Variants in DMC1 observed in about 807,000 individuals in gnomAD.
DMC1 encodes DNA meiotic recombinase 1, also known as meiotic recombination protein DMC1 homolog.
Under a neutral mutation model 50.1 loss-of-function variants are expected in DMC1, and 27 were observed. That is an observed-to-expected ratio of 0.54 (90% CI 0.40 to 0.74). The LOEUF is 0.74. Among genes scored for constraint, DMC1 ranks in the 30% least tolerant of loss-of-function variants. The probability of loss-of-function intolerance (pLI) is 0.00; values close to 1 mark genes in which losing one functional copy is unlikely to be tolerated. For synonymous variants in DMC1, 148 were observed against 136.1 expected (o/e 1.09, Z -0.61); for missense variants, 295 against 420.2 (o/e 0.70, Z 2.60).
At position 38,540,559 on chromosome 22, in the gene DMC1, T is replaced by C. The variant is rs192203931; in HGVS notation, c.495-1147A>G. Among the ~76,000 whole-genome samples the C allele has an allele frequency of 2.9e-3, 441 of 152,342 alleles. 1 individual carries two copies. Among genetic ancestry groups the C allele is most frequent in the Non-Finnish European group, 5.3e-3 (362 of 68,038 alleles). On this transcript the variant is annotated intron_variant, in intron 8 of 13. Transcript: ENST00000216024. ...TGTTTGTAACCTTATTTCACTTTGTTTATAGTGTTTACATAACACTGATCC... is the reference window on the plus strand; with the variant it reads ...TGTTTGTAACCTTATTTCACTTTGTCTATAGTGTTTACATAACACTGATCC...
the DMC1 span, among the ~76,000 whole-genome samples, chr22:38,510,249 C>T: frequency 1.3e-5 from 2 of 151,124 alleles, no homozygotes; most frequent in Non-Finnish European, 2.9e-5. Context: ...AGGTCAGGAA[C>T]TCGAGATCAG....
chr22:38,514,644 G>C (rs756857579), downstream of DMC1, among the ~76,000 whole-genome samples: 1 of 152,140 alleles, frequency 6.6e-6, no homozygotes, highest in Non-Finnish European at 1.5e-5. Context: ...CAAAACCAAG[G>C]TGGCAATGAA....
intron 12 of DMC1, among the ~76,000 whole-genome samples, chr22:38,529,197 G>T (rs1292834336): frequency 6.6e-6 from 1 of 151,758 alleles, no homozygotes; most frequent in African/African-American, 2.4e-5. Context: ...TTTTAGTAGA[G>T]ACGGGGTTTC....
At chr22:38,521,819 G>A in intron 12 of DMC1, 95 bp from the exon 13 acceptor site, 1 of 895,042 alleles carries the variant, frequency 1.1e-6, no homozygotes, top group Non-Finnish European at 1.9e-6. Flanking sequence ...TGGATGTCAG[G>A]AGTTGGAATA....
At chr22:38,540,084 T>C (rs1322395578) in intron 8 of DMC1, among the ~76,000 whole-genome samples, 1 of 152,220 alleles carries the variant, frequency 6.6e-6, no homozygotes, top group Non-Finnish European at 1.5e-5. Context: ...TTTCAAATCT[T>C]ACCTGGAAAG....
chr22:38,551,910 G>C (rs1454695791), intron 7 of DMC1, among the ~76,000 whole-genome samples: 1 of 143,922 alleles, frequency 6.9e-6, no homozygotes, highest in Admixed American at 7.1e-5. Context: ...GCCCAGGCTG[G>C]AGTGCAGTGG....
chr22:38,518,537 CTT>C (rs879709717), downstream of DMC1, among the ~76,000 whole-genome samples: 1 of 145,584 alleles, frequency 6.9e-6, no homozygotes. Flanking sequence ...CTCTTTCCTT[CTT>C]TTTTTTTTTG....
Position 38,529,727 on chromosome 22 carries a change from T to C in DMC1, c.836+7865A>G, listed in dbSNP as rs180682678. 2.6e-5 allele frequency among the ~76,000 whole-genome samples: 4 copies of C among 152,252 alleles called. No homozygotes were observed. In the East Asian group the frequency reaches 7.7e-4, roughly 29 times the overall value. ...AAATCCTGGCTCACACATTTTTAAATTCTGGAATTGGGCAAACGCTAAGTA... is the reference window on the plus strand; with the variant it reads ...AAATCCTGGCTCACACATTTTTAAACTCTGGAATTGGGCAAACGCTAAGTA... On this transcript the variant is annotated intron_variant, in intron 12 of 13. Coordinates refer to ENST00000216024, the MANE Select transcript of DMC1 (RefSeq NM_007068.4).
chr22:38,545,371 A>G (rs1254737577), intron 8 of DMC1, among the ~76,000 whole-genome samples: 4 of 152,170 alleles, frequency 2.6e-5, no homozygotes, highest in Non-Finnish European at 5.9e-5. Flanking sequence ...TGATCACGTC[A>G]TTGCACTCCA....
intron 6 of DMC1, among the ~76,000 whole-genome samples, chr22:38,555,089 CA>C (rs56405720): frequency 0.05 from 4,357 of 87,644 alleles, 148 homozygotes; most frequent in African/African-American, 0.15. Context: ...GACTCCGTCT[CA>C]AAAAAAAAAA....
the DMC1 span, among the ~76,000 whole-genome samples, chr22:38,510,940 T>TA: frequency 1.3e-4 from 20 of 152,220 alleles, no homozygotes; most frequent in African/African-American, 4.8e-4. Flanking sequence ...TTCTAACTGA[T>TA]ACACTCCTCA....
chr22:38,534,730 G>A (rs2090191631), intron 12 of DMC1, among the ~76,000 whole-genome samples: 1 of 147,246 alleles, frequency 6.8e-6, no homozygotes, highest in African/African-American at 2.5e-5. Flanking sequence ...GACTGAGTGC[G>A]GTGGGTCATG....
intron 12 of DMC1, among the ~76,000 whole-genome samples, chr22:38,530,834 C>T (rs1410643564): frequency 6.6e-6 from 1 of 152,088 alleles, no homozygotes; most frequent in East Asian, 1.9e-4. Flanking sequence ...CTTTGGGAGG[C>T]TGAGGTGGGC....
chr22:38,566,571 A>G lies in DMC1; in HGVS notation c.243+19T>C, dbSNP rs1366926143. 5.6e-6 allele frequency: 9 copies of G among 1,614,008 alleles called. No individual in the cohort carries two copies. The highest frequency in any genetic ancestry group is 7.6e-6 in the Non-Finnish European group (9 of 1,179,960). ...AAGGCCCTGCCAAGCTAAAACAGCA[A>G]AGAATGGATTTTGCTTACAATTAGT... On this transcript the variant is annotated intron_variant, in intron 4 of 13. Coordinates refer to ENST00000216024, the MANE Select transcript of DMC1 (RefSeq NM_007068.4).
chr22:38,521,542 C>A, intron 13 of DMC1, 66 bp downstream of exon 13: 1 of 186,618 alleles, frequency 5.4e-6, no homozygotes, highest in East Asian at 1.5e-4. Flanking sequence ...CGTCTCTACA[C>A]ACACACACAC....
At chr22:38,515,692 G>C (rs2089972318), downstream of DMC1, among the ~76,000 whole-genome samples, 1 of 151,762 alleles carries the variant, frequency 6.6e-6, no homozygotes, top group Admixed American at 6.6e-5. Context: ...TCAGCTACTT[G>C]GGAGGCTGAG....
At chr22:38,515,102 G>C (rs1015381541), downstream of DMC1, among the ~76,000 whole-genome samples, 3 of 150,316 alleles carry the variant, frequency 2.0e-5, no homozygotes, top group East Asian at 6.0e-4. Context: ...TCCTAACCTC[G>C]TGATCTGCCC....
At chr22:38,511,219 G>C in the DMC1 span, among the ~76,000 whole-genome samples, 1 of 152,148 alleles carries the variant, frequency 6.6e-6, no homozygotes, top group East Asian at 1.9e-4. Flanking sequence ...GGAAGTAAAA[G>C]AAGATTTTGT....
chr22:38,559,973 A>G (rs1400797252), intron 5 of DMC1, among the ~76,000 whole-genome samples: 2 of 152,116 alleles, frequency 1.3e-5, no homozygotes, highest in East Asian at 3.9e-4. Context: ...AGCTGAGATC[A>G]TGCCACTGCA....
Sources: gnomAD v4.1 joint callset for allele counts (sites outside exome capture counted in the v4.1 genomes callset) on GRCh38, gnomAD v4.1.1 for gene constraint, MANE v1.5 for transcripts, NCBI Gene and HGNC (gene_info 2026-07-23, HGNC 2026-07-21) for gene names.